Variants in FHIP1A observed in about 807,000 individuals in gnomAD.
The protein encoded by FHIP1A is FHF complex subunit HOOK interacting protein 1A.
Under a neutral mutation model 88.6 loss-of-function variants are expected in FHIP1A, and 61 were observed. The ratio of observed to expected loss-of-function variants is 0.69; its 90% CI spans 0.56 to 0.85. The LOEUF (loss-of-function observed/expected upper bound fraction) is 0.85. FHIP1A is among the 40% of genes least tolerant of loss of function. The pLI is 0.00. For missense variants in FHIP1A, 1,154 were observed against 1,273.5 expected (o/e 0.91, Z 1.43); for synonymous variants, 478 against 496.0 (o/e 0.96, Z 0.48).
Position 151,539,651 on chromosome 4 carries a change from C to T in FHIP1A, c.-122-26487C>T, listed in dbSNP as rs563885270. Among the ~76,000 whole-genome samples the T allele has an allele frequency of 3.2e-4, 49 of 151,596 alleles. No individual in the cohort carries two copies. The East Asian group carries it at 6.2e-3, about 19-fold the overall frequency. ...GGTTTACCAGTGCTTTCCATTCTCT[C>T]TGGAAAGTACATTGACTCTCATGCC... On this transcript the variant is annotated intron_variant, in intron 3 of 13. Coordinates refer to ENST00000435205, the MANE Select transcript of FHIP1A (RefSeq NM_001109977.3).
At chr4:151,544,547 G>T (rs1344772061) in intron 3 of FHIP1A, among the ~76,000 whole-genome samples, 1 of 152,172 alleles carries the variant, frequency 6.6e-6, no homozygotes, top group Non-Finnish European at 1.5e-5. Flanking sequence ...ACTGGAGGGA[G>T]TGTGAAGATG....
At chr4:151,419,147 G>A (rs938870990) in intron 1 of FHIP1A, among the ~76,000 whole-genome samples, 1 of 152,128 alleles carries the variant, frequency 6.6e-6, no homozygotes, top group Non-Finnish European at 1.5e-5. Context: ...CATTAGAATT[G>A]GTAAACTCAG....
chr4:151,519,811 T>G (rs149131261), intron 3 of FHIP1A, among the ~76,000 whole-genome samples: 1 of 152,184 alleles, frequency 6.6e-6, no homozygotes, highest in Non-Finnish European at 1.5e-5. Context: ...TATCCTGGGG[T>G]TGTCAGTTTT....
At chr4:151,621,899 G>C (rs1412695647) in intron 7 of FHIP1A, among the ~76,000 whole-genome samples, 3 of 151,912 alleles carry the variant, frequency 2.0e-5, no homozygotes, top group African/African-American at 7.3e-5. Flanking sequence ...CACTATAAAT[G>C]GAAAATTTCC....
In FHIP1A at chr4:151,563,885, C is replaced by T. The variant is rs990836797; in HGVS notation, c.-122-2253C>T. Among the ~76,000 whole-genome samples the T allele has an allele frequency of 4.6e-5, 7 of 151,904 alleles. No homozygotes were observed. The East Asian group carries it at 1.2e-3, about 25-fold the overall frequency. ...GCACATGCCTGTAGTCCCAGCTAGT[C>T]GGGAGGCTGAGGCGGGAGGATTGCT... On this transcript the variant is annotated intron_variant, in intron 3 of 13. Transcript: ENST00000435205.
At chr4:151,474,693 C>T (rs1390211040) in intron 2 of FHIP1A, among the ~76,000 whole-genome samples, 9 of 152,210 alleles carry the variant, frequency 5.9e-5, no homozygotes, top group Admixed American at 5.9e-4. Flanking sequence ...TCTGCCCATG[C>T]CAGTAATAAA....
intron 7 of FHIP1A, among the ~76,000 whole-genome samples, chr4:151,613,231 G>A (rs898154402): frequency 1.3e-5 from 2 of 152,218 alleles, no homozygotes; most frequent in South Asian, 2.1e-4. Context: ...TGGGAAACCC[G>A]CTAGTGCTCA....
intron 3 of FHIP1A, among the ~76,000 whole-genome samples, chr4:151,536,460 C>T (rs1271680676): frequency 6.6e-6 from 1 of 152,160 alleles, no homozygotes; most frequent in Non-Finnish European, 1.5e-5. Context: ...GCCCTCCCTG[C>T]CCCCATTTTC....
intron 3 of FHIP1A, among the ~76,000 whole-genome samples, chr4:151,484,459 G>A (rs1730006559): frequency 6.6e-6 from 1 of 152,200 alleles, no homozygotes; most frequent in Admixed American, 6.5e-5. Context: ...GGAAGGCCTG[G>A]CAAGGATACT....
chr4:151,430,489 C>T (rs1733550463), intron 1 of FHIP1A, among the ~76,000 whole-genome samples: 1 of 152,216 alleles, frequency 6.6e-6, no homozygotes, highest in Non-Finnish European at 1.5e-5. Context: ...GCTGCCAGCA[C>T]TTATCCTTTT....
chr4:151,484,085 C>T (rs1022654400), intron 3 of FHIP1A, among the ~76,000 whole-genome samples: 11 of 152,174 alleles, frequency 7.2e-5, no homozygotes, highest in African/African-American at 2.4e-4. Flanking sequence ...TGTGTATCCT[C>T]TGTTACAGGG....
At chr4:151,451,837 A>G (rs1728801867) in intron 1 of FHIP1A, among the ~76,000 whole-genome samples, 1 of 145,110 alleles carries the variant, frequency 6.9e-6, no homozygotes, top group South Asian at 2.2e-4. Flanking sequence ...TTTTTTTTGA[A>G]ACAGGGTTTT....
intron 1 of FHIP1A, among the ~76,000 whole-genome samples, chr4:151,446,496 TGCAGG>T (rs1728608646): frequency 6.6e-6 from 1 of 150,822 alleles, no homozygotes; most frequent in Admixed American, 6.6e-5. Context: ...TTTTTTTTTT[TGCAGG>T]ATTCATTTTA....
chr4:151,581,752 GACA>G (rs1425126316), intron 5 of FHIP1A, among the ~76,000 whole-genome samples: 1 of 152,144 alleles, frequency 6.6e-6, no homozygotes, highest in African/African-American at 2.4e-5. Flanking sequence ...TCCAGCTAAG[GACA>G]ACAATTGAGA....
intron 3 of FHIP1A, among the ~76,000 whole-genome samples, chr4:151,485,282 G>GTTTTTTTTTTTTTTTTT (rs74327398): frequency 1.1e-4 from 13 of 118,738 alleles, no homozygotes; most frequent in East Asian, 2.5e-4. Flanking sequence ...ATCTTTTCCA[G>GTTTTTTTTTTTTTTTTT]TTTTTTTTTT....
intron 3 of FHIP1A, among the ~76,000 whole-genome samples, chr4:151,536,624 G>T (rs749746938): frequency 1.3e-5 from 2 of 152,156 alleles, no homozygotes; most frequent in South Asian, 2.1e-4. Context: ...TCAAGCTGTT[G>T]TTGGTATCAA....
chr4:151,441,692 T>C (rs553875090), intron 1 of FHIP1A, among the ~76,000 whole-genome samples: 1 of 152,322 alleles, frequency 6.6e-6, no homozygotes, highest in East Asian at 1.9e-4. Flanking sequence ...AGCCAGGAGA[T>C]GTGTGAAAGT....
chr4:151,492,452 T>A (rs183641857), intron 3 of FHIP1A, among the ~76,000 whole-genome samples: 1 of 151,698 alleles, frequency 6.6e-6, no homozygotes, highest in African/African-American at 2.4e-5. Context: ...ATTAGCTGGG[T>A]GTTGTGGTGT....
At chr4:151,451,547 G>A (rs914380430) in intron 1 of FHIP1A, among the ~76,000 whole-genome samples, 23 of 152,160 alleles carry the variant, frequency 1.5e-4, no homozygotes, top group African/African-American at 5.5e-4. Flanking sequence ...TTTCTAAAAT[G>A]TTCTAGTTCC....
Sources: gnomAD v4.1 joint callset for allele counts (sites outside exome capture counted in the v4.1 genomes callset) on GRCh38, gnomAD v4.1.1 for gene constraint, MANE v1.5 for transcripts, NCBI Gene and HGNC (gene_info 2026-07-23, HGNC 2026-07-21) for gene names.